EIF2AK4: variants seen among roughly 807,000 people sequenced by gnomAD.
The protein encoded by EIF2AK4 is eukaryotic translation initiation factor 2 alpha kinase 4.
In EIF2AK4, 139 loss-of-function variants were observed where a neutral mutation model predicts 211.1. The ratio of observed to expected loss-of-function variants is 0.66; its 90% CI spans 0.57 to 0.76. EIF2AK4 has a LOEUF of 0.76. EIF2AK4 is among the 30% of genes least tolerant of loss of function. The pLI is 0.00. For missense variants in EIF2AK4, 1,664 were observed against 2,043.8 expected (o/e 0.81, Z 3.58); for synonymous variants, 710 against 751.3 (o/e 0.94, Z 0.90).
At chr15:40,028,441 T>C (rs1297744053) in intron 33 of EIF2AK4, among the ~76,000 whole-genome samples, 1 of 152,210 alleles carries the variant, frequency 6.6e-6, no homozygotes. Flanking sequence ...CATCTGGCAA[T>C]GTATGGAGAC....
At chr15:39,952,649 A>G (rs1367830630) in intron 4 of EIF2AK4, among the ~76,000 whole-genome samples, 1 of 151,890 alleles carries the variant, frequency 6.6e-6, no homozygotes, top group African/African-American at 2.4e-5. Flanking sequence ...TATTTCTTAA[A>G]GTTACTTTTA....
At chr15:40,023,477 T>C (rs889673851) in intron 32 of EIF2AK4, among the ~76,000 whole-genome samples, 1 of 152,234 alleles carries the variant, frequency 6.6e-6, no homozygotes, top group Non-Finnish European at 1.5e-5. Flanking sequence ...CAAATATTTC[T>C]ATATATAGAG....
At chr15:40,014,168 C>G (rs1303523971) in intron 27 of EIF2AK4, among the ~76,000 whole-genome samples, 1 of 152,230 alleles carries the variant, frequency 6.6e-6, no homozygotes, top group Admixed American at 6.5e-5. Flanking sequence ...GGGTAGGCTC[C>G]CATGGCCTTG....
chr15:39,976,431 C>T lies in EIF2AK4; in HGVS notation c.1836C>T (p.Asp612=). ...GAVIKVQNKL[D]GCCYAVKRIP... ...TGCCGCAGGTGCAGAACAAGTTGGA[C>T]GGCTGCTGCTACGCAGTGAAGCGCA... Residue 612 remains aspartate (D), a synonymous_variant, in exon 12 of 39, where the codon GAC becomes GAT. Coordinates refer to ENST00000263791, the MANE Select transcript of EIF2AK4 (RefSeq NM_001013703.4). 6.2e-7 allele frequency: 1 copy of T among 1,602,762 alleles called. No homozygotes were observed. Among genetic ancestry groups the T allele is most frequent in the Non-Finnish European group, 8.5e-7 (1 of 1,174,990 alleles).
chr15:39,986,325 A>C (rs1183113387), intron 14 of EIF2AK4, among the ~76,000 whole-genome samples: 1 of 152,274 alleles, frequency 6.6e-6, no homozygotes, highest in Non-Finnish European at 1.5e-5. Context: ...TACTTTGCCT[A>C]ACCACCTGAA....
intron 6 of EIF2AK4, among the ~76,000 whole-genome samples, chr15:39,957,331 G>A (rs904779157): frequency 1.3e-5 from 2 of 152,122 alleles, no homozygotes; most frequent in Non-Finnish European, 2.9e-5. Context: ...AACACTTTGG[G>A]ATGCCAAGGC....
chr15:39,992,258 C>A (rs1231018406), intron 17 of EIF2AK4, 29 bp downstream of exon 17: 1 of 1,577,782 alleles, frequency 6.3e-7, no homozygotes, highest in Non-Finnish European at 8.6e-7. Flanking sequence ...ATATTTCATC[C>A]ATGTGTTAAA....
chr15:39,959,533 T>C (rs1306216069), intron 6 of EIF2AK4, among the ~76,000 whole-genome samples: 1 of 152,230 alleles, frequency 6.6e-6, no homozygotes, highest in Non-Finnish European at 1.5e-5. Flanking sequence ...TCCTTAATCT[T>C]ACAGCCATCA....
In EIF2AK4 at chr15:40,011,258, G is replaced by T. The variant is rs2035231539; in HGVS notation, c.3694-23G>T. ...AGTGCCAGATTTCGCGACTCTCATT[G>T]TTACCTTTTTCTTCCACGTTAGACA... On this transcript the variant is annotated intron_variant, in intron 26 of 38. Coordinates refer to ENST00000263791, the MANE Select transcript of EIF2AK4 (RefSeq NM_001013703.4). 3 of 1,611,818 alleles carry T rather than the reference G, an allele frequency of 1.9e-6. No homozygotes were observed. In the East Asian group the frequency reaches 6.7e-5, roughly 36 times the overall value.
At chr15:39,959,459 T>G (rs1471650634) in intron 6 of EIF2AK4, among the ~76,000 whole-genome samples, 3 of 152,254 alleles carry the variant, frequency 2.0e-5, no homozygotes, top group Non-Finnish European at 2.9e-5. Flanking sequence ...CCATGCAGCA[T>G]GTACCACATT....
chr15:39,944,568 A>G (rs1392038542), intron 3 of EIF2AK4, among the ~76,000 whole-genome samples: 5 of 151,494 alleles, frequency 3.3e-5, no homozygotes, highest in African/African-American at 1.2e-4. Context: ...AGTAGCTGGG[A>G]CTACAGGCAC....
chr15:39,976,409 C>T lies in EIF2AK4; in HGVS notation c.1819-5C>T, dbSNP rs2034692590. On this transcript the variant is annotated splice_polypyrimidine_tract_variant and splice_region_variant and intron_variant, in intron 11 of 38. Coordinates refer to ENST00000263791, the MANE Select transcript of EIF2AK4 (RefSeq NM_001013703.4). ...GCGGCTGACCTTCCCCTGGCTGTGC[C>T]GCAGGTGCAGAACAAGTTGGACGGC... 2 of 1,584,672 alleles carry T rather than the reference C, an allele frequency of 1.3e-6. No individual in the cohort carries two copies. The highest frequency in any genetic ancestry group is 1.4e-5 in the African/African-American group (1 of 73,836).
At chr15:40,032,887 C>T in intron 37 of EIF2AK4, 86 bp downstream of exon 37, 1 of 1,120,846 alleles carries the variant, frequency 8.9e-7, no homozygotes, top group South Asian at 1.5e-5. Flanking sequence ...AGACGGCATT[C>T]ATTAGTGATA....
At position 39,972,036 on chromosome 15, in the gene EIF2AK4, T is replaced by A. The variant is rs56246581; in HGVS notation, c.1554-872T>A. Among the ~76,000 whole-genome samples the A allele has an allele frequency of 6.8e-3, 1,040 of 152,156 alleles. 10 individuals carry two copies. Among genetic ancestry groups the A allele is most frequent in the African/African-American group, 0.023 (951 of 41,498 alleles). On this transcript the variant is annotated intron_variant, in intron 9 of 38. Coordinates refer to ENST00000263791, the MANE Select transcript of EIF2AK4 (RefSeq NM_001013703.4). ...GTCTATTACACCATTAAACAGTAAG[T>A]TAATGGGTTCAAGGAATGAAGATTA... is the stretch of plus-strand genomic sequence containing the variant.
chr15:39,979,710 G>A (rs1449611704), intron 13 of EIF2AK4, among the ~76,000 whole-genome samples: 1 of 152,120 alleles, frequency 6.6e-6, no homozygotes, highest in Non-Finnish European at 1.5e-5. Flanking sequence ...GAGTTCTGTG[G>A]AGTATACAAA....
rs751952217 is a variant in EIF2AK4 at position 40,002,776 on chromosome 15, T to G, written c.3223T>G (p.Phe1075Val). 5.0e-6 allele frequency: 8 copies of G among 1,614,122 alleles called. No individual in the cohort carries two copies. The African/African-American group carries it at 1.1e-4, about 22-fold the overall frequency. ...QHVCETIIRI[F>V]KRHGAVQLCT... ...TGTGTGTGAAACCATCATCCGCATC[T>G]TTAAAAGACATGGTATGTACGCCCT... The change falls in exon 22 of 39, where the codon TTT becomes GTT. Residue 1075 changes from phenylalanine to valine, a missense_variant. Around this residue, in one of 7 missense-constraint regions of EIF2AK4, gnomAD observed 622 missense variants for 796.8 expected, o/e 0.78. Coordinates refer to ENST00000263791, the MANE Select transcript of EIF2AK4 (RefSeq NM_001013703.4).
intron 32 of EIF2AK4, among the ~76,000 whole-genome samples, chr15:40,023,865 T>G (rs1033102566): frequency 2.6e-5 from 4 of 152,264 alleles, no homozygotes; most frequent in African/African-American, 9.6e-5. Context: ...GGTAGAACTT[T>G]AGATGAGGTA....
Position 40,017,161 on chromosome 15 carries a change from C to A in EIF2AK4, c.3984C>A (p.Ile1328=). Residue 1328 remains isoleucine, a synonymous_variant, in exon 29 of 39, where the codon ATC becomes ATA. Coordinates refer to ENST00000263791, the MANE Select transcript of EIF2AK4 (RefSeq NM_001013703.4). ...VYKVQQHNGI[I]FQFVAFIKRR... is the part of the protein sequence containing the mutation. Reference sequence around the variant, plus strand: ...AGGTGCAGCAGCACAATGGAATCATCTTCCAGTTTGTGGCTTTCATCAAAC... The same window carrying A: ...AGGTGCAGCAGCACAATGGAATCATATTCCAGTTTGTGGCTTTCATCAAAC... 2 of 1,614,028 alleles carry A rather than the reference C, an allele frequency of 1.2e-6. No individual in the cohort carries two copies. The highest frequency in any genetic ancestry group is 1.7e-6 in the Non-Finnish European group (2 of 1,179,922).
chr15:39,941,798 T>C (rs2034148471), intron 2 of EIF2AK4, among the ~76,000 whole-genome samples: 1 of 152,092 alleles, frequency 6.6e-6, no homozygotes, highest in African/African-American at 2.4e-5. Flanking sequence ...CTCCCCAGGT[T>C]GTGGCAACCA....
Sources: allele counts gnomAD v4.1 joint callset (sites outside exome capture counted in the v4.1 genomes callset), GRCh38; gene constraint gnomAD v4.1.1; regional missense constraint gnomAD v4.1.1; transcripts MANE v1.5; gene names NCBI Gene and HGNC (gene_info 2026-07-23, HGNC 2026-07-21).